The following LOC128462377 variants were observed in gnomAD, a reference collection of about 807,000 sequenced individuals.
the LOC128462377 span, among the ~76,000 whole-genome samples, chr16:89,384,091 G>C: frequency 1.3e-5 from 2 of 152,136 alleles, no homozygotes; most frequent in African/African-American, 4.8e-5. Context: ...GTGGTGGCAG[G>C]CGCTTGTAAT....
the LOC128462377 span, among the ~76,000 whole-genome samples, chr16:89,392,200 G>A: frequency 6.6e-6 from 1 of 152,192 alleles, no homozygotes; most frequent in Admixed American, 6.5e-5. Flanking sequence ...TTCATTCGGT[G>A]TACTCTCGTG....
chr16:89,331,435 G>A, the LOC128462377 span, among the ~76,000 whole-genome samples: 1 of 152,072 alleles, frequency 6.6e-6, no homozygotes, highest in Admixed American at 6.6e-5. Flanking sequence ...AAGAACAAAG[G>A]GAGAATTTAC....
chr16:89,382,004 T>C, the LOC128462377 span, among the ~76,000 whole-genome samples: 2 of 152,150 alleles, frequency 1.3e-5, no homozygotes, highest in Non-Finnish European at 2.9e-5. Context: ...AAAAGTGCTT[T>C]ACAAACCGTG....
chr16:89,358,137 T>G, the LOC128462377 span, among the ~76,000 whole-genome samples: 4 of 152,198 alleles, frequency 2.6e-5, no homozygotes, highest in African/African-American at 9.6e-5. Flanking sequence ...CCAGGGTGGC[T>G]GGAGATGCTG....
At chr16:89,366,803 G>T in the LOC128462377 span, among the ~76,000 whole-genome samples, 23 of 152,310 alleles carry the variant, frequency 1.5e-4, no homozygotes, top group Non-Finnish European at 3.1e-4. Context: ...CCAGGGCAGG[G>T]GTCAGCAAAG....
At chr16:89,336,533 C>A in the LOC128462377 span, among the ~76,000 whole-genome samples, 1 of 152,176 alleles carries the variant, frequency 6.6e-6, no homozygotes, top group Non-Finnish European at 1.5e-5. Flanking sequence ...ATGTCCTCTA[C>A]AATTAAGAGC....
the LOC128462377 span, among the ~76,000 whole-genome samples, chr16:89,383,558 T>C: frequency 6.6e-6 from 1 of 152,152 alleles, no homozygotes; most frequent in Non-Finnish European, 1.5e-5. Context: ...GAAGTTCCCA[T>C]GGAACAAAGC....
the LOC128462377 span, among the ~76,000 whole-genome samples, chr16:89,382,336 T>TA: frequency 0.35 from 50,445 of 145,778 alleles, 9,775 homozygotes; most frequent in Middle Eastern, 0.53. Context: ...TATATATATA[T>TA]TTTTTTAAAG....
chr16:89,340,371 G>A, the LOC128462377 span, among the ~76,000 whole-genome samples: 515 of 152,298 alleles, frequency 3.4e-3, 5 homozygotes, highest in South Asian at 0.018. Context: ...TCCACCTCCC[G>A]GGTTCAAGCG....
the LOC128462377 span, among the ~76,000 whole-genome samples, chr16:89,380,695 C>T: frequency 1.4e-4 from 22 of 152,316 alleles, no homozygotes; most frequent in East Asian, 2.7e-3. Flanking sequence ...GAAAGCCTGA[C>T]GAGTACCTGC....
the LOC128462377 span, among the ~76,000 whole-genome samples, chr16:89,329,850 C>G: frequency 6.6e-6 from 1 of 151,942 alleles, no homozygotes; most frequent in African/African-American, 2.4e-5. Flanking sequence ...ACTGAAAATA[C>G]AAAAAATTAG....
the LOC128462377 span, among the ~76,000 whole-genome samples, chr16:89,406,295 G>A: frequency 3.7e-3 from 568 of 152,232 alleles, 10 homozygotes; most frequent in Admixed American, 0.028. Flanking sequence ...TCAGGCCAAC[G>A]GCACTGACAG....
At chr16:89,367,344 G>T in the LOC128462377 span, among the ~76,000 whole-genome samples, 1 of 152,216 alleles carries the variant, frequency 6.6e-6, no homozygotes, top group Non-Finnish European at 1.5e-5. Flanking sequence ...CAGTGGCGGC[G>T]CCCAGAGCGG....
the LOC128462377 span, among the ~76,000 whole-genome samples, chr16:89,358,516 T>C: frequency 6.6e-6 from 1 of 152,252 alleles, no homozygotes; most frequent in Non-Finnish European, 1.5e-5. Flanking sequence ...CCGTTTTCCA[T>C]GATATCATCA....
At chr16:89,368,990 T>C in the LOC128462377 span, among the ~76,000 whole-genome samples, 3 of 152,190 alleles carry the variant, frequency 2.0e-5, no homozygotes, top group Admixed American at 6.5e-5. Flanking sequence ...AAGGGTTGCA[T>C]AGAGACTTGG....
chr16:89,333,975 C>G, the LOC128462377 span, among the ~76,000 whole-genome samples: 1 of 151,824 alleles, frequency 6.6e-6, no homozygotes, highest in South Asian at 2.1e-4. Context: ...GTTAAGAGCC[C>G]TCAATCTGTG....
At chr16:89,394,344 G>C in the LOC128462377 span, among the ~76,000 whole-genome samples, 4 of 152,150 alleles carry the variant, frequency 2.6e-5, no homozygotes, top group East Asian at 7.7e-4. Flanking sequence ...AAAACAGCTC[G>C]TGGGCCAGGC....
At chr16:89,412,363 G>A in the LOC128462377 span, 1 of 149,450 alleles carries the variant, frequency 6.7e-6, no homozygotes, top group Non-Finnish European at 1.5e-5. Context: ...ATGCCTCCCA[G>A]AGTCTCCTGG....
the LOC128462377 span, among the ~76,000 whole-genome samples, chr16:89,348,388 T>G: frequency 2.0e-5 from 3 of 152,246 alleles, no homozygotes; most frequent in African/African-American, 7.2e-5. Flanking sequence ...CTATCCTTTC[T>G]ATCTCCTATA....
Sources: gnomAD v4.1 joint callset for allele counts (sites outside exome capture counted in the v4.1 genomes callset) on GRCh38, gnomAD v4.1.1 for gene constraint, MANE v1.5 for transcripts.